The following SYTL3 variants were observed in gnomAD, a reference collection of about 807,000 sequenced individuals.
The protein encoded by SYTL3 is synaptotagmin like 3, also known as synaptotagmin-like protein 3.
A neutral mutation model predicts 82.1 loss-of-function variants in SYTL3; 88 were observed. That is an observed-to-expected ratio of 1.07 (90% CI 0.90 to 1.28). The LOEUF is 1.28. SYTL3 is among the 50% of genes most tolerant of loss of function. The probability of loss-of-function intolerance (pLI) is 0.00; values close to 1 mark genes in which losing one functional copy is unlikely to be tolerated. For missense variants in SYTL3, 831 were observed against 757.6 expected (o/e 1.10, Z -1.14); for synonymous variants, 311 against 289.4 (o/e 1.07, Z -0.76).
intron 6 of SYTL3, among the ~76,000 whole-genome samples, chr6:158,696,726 CAAAA>C (rs1257856309): frequency 1.3e-5 from 2 of 150,712 alleles, no homozygotes; most frequent in Admixed American, 1.3e-4. Flanking sequence ...TTCTTAAAAA[CAAAA>C]AAAGAACAAA....
intron 6 of SYTL3, among the ~76,000 whole-genome samples, chr6:158,693,855 C>CT (rs575358067): frequency 0.016 from 1,581 of 96,854 alleles, 88 homozygotes; most frequent in Admixed American, 0.026. Context: ...TTTTTCTTTT[C>CT]TTTTTTTTTT....
intron 5 of SYTL3, among the ~76,000 whole-genome samples, chr6:158,670,948 G>C (rs189188274): frequency 6.6e-6 from 1 of 151,376 alleles, no homozygotes; most frequent in Non-Finnish European, 1.5e-5. Flanking sequence ...GACTACAGGC[G>C]CCCACCACCA....
At chr6:158,657,425 CAAAA>C (rs535361947) in intron 2 of SYTL3, among the ~76,000 whole-genome samples, 2 of 80,110 alleles carry the variant, frequency 2.5e-5, no homozygotes, top group East Asian at 4.4e-4. Flanking sequence ...GACTCTGGCT[CAAAA>C]AAAAAAAAAA....
intron 5 of SYTL3, among the ~76,000 whole-genome samples, chr6:158,673,595 ATGCC>A (rs1777649704): frequency 1.3e-5 from 2 of 151,334 alleles, no homozygotes; most frequent in Non-Finnish European, 2.9e-5. Flanking sequence ...GCTGGCCACC[ATGCC>A]CCCCTAATTT....
At chr6:158,730,957 G>A (rs1367341166) in intron 11 of SYTL3, among the ~76,000 whole-genome samples, 3 of 152,280 alleles carry the variant, frequency 2.0e-5, no homozygotes, top group South Asian at 2.1e-4. Context: ...CCATTAGGGG[G>A]GAGATTAAAC....
At chr6:158,708,697 G>A (rs1047214777) in intron 8 of SYTL3, among the ~76,000 whole-genome samples, 1 of 152,166 alleles carries the variant, frequency 6.6e-6, no homozygotes, top group South Asian at 2.1e-4. Context: ...GGGCGTGTGT[G>A]TAGAGTCTCT....
intron 5 of SYTL3, among the ~76,000 whole-genome samples, chr6:158,678,124 G>A (rs562600772): frequency 4.6e-5 from 7 of 152,104 alleles, no homozygotes; most frequent in African/African-American, 9.7e-5. Context: ...CAATCCTCTC[G>A]CCTCGGCCTC....
intron 11 of SYTL3, among the ~76,000 whole-genome samples, chr6:158,732,378 G>A (rs781710488): frequency 6.6e-6 from 1 of 152,210 alleles, no homozygotes; most frequent in Non-Finnish European, 1.5e-5. Flanking sequence ...AAATATAAAT[G>A]CCTGGCTAAA....
intron 10 of SYTL3, among the ~76,000 whole-genome samples, chr6:158,720,926 C>T (rs1784035178): frequency 6.6e-6 from 1 of 152,174 alleles, no homozygotes; most frequent in Non-Finnish European, 1.5e-5. Flanking sequence ...ACAGGCTGGG[C>T]TTGTGGCGTT....
intron 9 of SYTL3, among the ~76,000 whole-genome samples, chr6:158,715,761 A>G (rs1165052265): frequency 1.3e-5 from 2 of 151,564 alleles, no homozygotes; most frequent in Admixed American, 6.6e-5. Context: ...CTGCAGGAAC[A>G]GGACACGTGA....
chr6:158,728,514 G>T (rs978839509), intron 11 of SYTL3, among the ~76,000 whole-genome samples: 5 of 152,180 alleles, frequency 3.3e-5, no homozygotes, highest in African/African-American at 1.2e-4. Context: ...TATCTTTGTA[G>T]TAAGTCTTGA....
At chr6:158,747,541 G>T (rs1024858302) in intron 12 of SYTL3, among the ~76,000 whole-genome samples, 1 of 151,874 alleles carries the variant, frequency 6.6e-6, no homozygotes. Context: ...ACAGTTCACT[G>T]CAGGCTCAAG....
chr6:158,673,117 A>C (rs1777591608), intron 5 of SYTL3, among the ~76,000 whole-genome samples: 1 of 152,074 alleles, frequency 6.6e-6, no homozygotes, highest in African/African-American at 2.4e-5. Context: ...GTTTTAAGAC[A>C]AGGTCTTACT....
At chr6:158,678,876 A>C (rs561807005) in intron 5 of SYTL3, among the ~76,000 whole-genome samples, 1 of 152,346 alleles carries the variant, frequency 6.6e-6, no homozygotes, top group South Asian at 2.1e-4. Context: ...TAAGGGCACA[A>C]ATTTATTGCT....
At chr6:158,749,481 A>G (rs1788107094) in intron 12 of SYTL3, among the ~76,000 whole-genome samples, 1 of 147,920 alleles carries the variant, frequency 6.8e-6, no homozygotes, top group African/African-American at 2.5e-5. Context: ...AGCTTAGATG[A>G]AATGAACACC....
chr6:158,671,708 C>T (rs897110767), intron 5 of SYTL3, among the ~76,000 whole-genome samples: 1 of 146,220 alleles, frequency 6.8e-6, no homozygotes, highest in African/African-American at 2.6e-5. Context: ...GCGGAGGTTG[C>T]AGTGAGCTGA....
intron 12 of SYTL3, 87 bp downstream of exon 12, chr6:158,745,745 A>T: frequency 9.7e-7 from 1 of 1,030,090 alleles, no homozygotes; most frequent in Non-Finnish European, 1.3e-6. Context: ...AACCAAGACA[A>T]TTATTAAAAA....
chr6:158,735,024 G>A (rs76276507), intron 11 of SYTL3, among the ~76,000 whole-genome samples: 1 of 152,052 alleles, frequency 6.6e-6, no homozygotes, highest in African/African-American at 2.4e-5. Flanking sequence ...AGTCCATACC[G>A]GGGAGTCCAG....
chr6:158,645,074 C>A (rs1168989913), upstream of SYTL3, among the ~76,000 whole-genome samples: 2 of 152,166 alleles, frequency 1.3e-5, no homozygotes, highest in Non-Finnish European at 2.9e-5. Flanking sequence ...TGTGGATTGA[C>A]GCGGACGTTC....
Sources: allele counts gnomAD v4.1 joint callset (sites outside exome capture counted in the v4.1 genomes callset), GRCh38; gene constraint gnomAD v4.1.1; transcripts MANE v1.5; gene names NCBI Gene and HGNC (gene_info 2026-07-23, HGNC 2026-07-21).